The following PRRT2 variants were observed in gnomAD, a reference collection of about 807,000 sequenced individuals.
The protein encoded by PRRT2 is proline rich transmembrane protein 2.
Under a neutral mutation model 24.7 loss-of-function variants are expected in PRRT2, and 9 were observed. That is an observed-to-expected ratio of 0.36 (90% CI 0.22 to 0.64). The LOEUF (loss-of-function observed/expected upper bound fraction) is 0.64. Ranked by LOEUF, PRRT2 falls within the 30% of genes least tolerant of loss-of-function variation. The probability of loss-of-function intolerance (pLI) is 0.65; values close to 1 mark genes in which losing one functional copy is unlikely to be tolerated. For missense variants in PRRT2, 460 were observed against 435.0 expected (o/e 1.06, Z -0.51); for synonymous variants, 195 against 175.5 (o/e 1.11, Z -0.88).
intron 2 of PRRT2, 56 bp downstream of exon 2, chr16:29,813,989 C>G (rs557942684): frequency 6.5e-7 from 1 of 1,530,224 alleles, no homozygotes. Context: ...TTCCCGCCAG[C>G]GCTGCAATAG....
In PRRT2 at chr16:29,813,260, C is replaced by T. The variant is rs750339568; in HGVS notation, c.206C>T (p.Pro69Leu). The T allele has an allele frequency of 6.2e-7, 1 of 1,613,916 alleles. No homozygotes were observed. The highest frequency in any genetic ancestry group is 1.1e-5 in the South Asian group (1 of 91,088). ...VDSGPKAGLA[P>L]ETTETPAGAS... ...TCAGGGCCCAAGGCTGGGCTGGCTC[C>T]AGAAACCACAGAGACCCCGGCTGGG... Residue 69 changes from proline (P) to leucine (L), a missense_variant, in exon 2 of 4, where the codon CCA becomes CTA. Physicochemically the swap from Pro to Leu is moderately conservative, Grantham distance 98. Transcript: ENST00000358758.
At position 29,814,884 on chromosome 16, in the gene PRRT2, G is replaced by C; in HGVS notation, c.*246G>C. On this transcript the variant is annotated 3_prime_UTR_variant, in exon 4 of 4. Coordinates refer to ENST00000358758, the MANE Select transcript of PRRT2 (RefSeq NM_145239.3). This position sits in a 1 kb window ranked among gnomAD's most constrained non-coding sequence, Gnocchi z 4.1. The stretch of plus-strand genomic sequence containing the variant: ...TGCACTAATGCCTGCATCCCCTCCG[G>C]CCTCTTGGCCCCCTATCCCTGCACT... The C allele has an allele frequency of 2.0e-6, 1 of 506,108 alleles. No individual in the cohort carries two copies. The highest frequency in any genetic ancestry group is 3.4e-5 in the East Asian group (1 of 29,082). 31.4% of individuals were successfully genotyped at this position (506,108 alleles called of 1,614,324 possible).
rs1288492262 is a variant in PRRT2 at position 29,813,037 on chromosome 16, C to G, written c.-18C>G. The G allele has an allele frequency of 5.1e-6, 8 of 1,581,036 alleles. No individual in the cohort carries two copies. Among genetic ancestry groups the G allele is most frequent in the African/African-American group, 1.4e-5 (1 of 73,696 alleles). On this transcript the variant is annotated 5_prime_UTR_variant, in exon 2 of 4. Transcript: ENST00000358758. ...TCCATCCTCCCCATAGGGGCTCTCT[C>G]CCCTCTCCCATCTCAAGATGGCAGC...
Position 29,813,287 on chromosome 16 carries a change from C to A in PRRT2, c.233C>A (p.Ala78Asp). Residue 78 changes from alanine (A) to aspartate (D), a missense_variant, in exon 2 of 4, where the codon GCC becomes GAC. Coordinates refer to ENST00000358758, the MANE Select transcript of PRRT2 (RefSeq NM_145239.3). ...GAAACCACAGAGACCCCGGCTGGGGCCTCAGAAACAGCCCAGGCCACAGAC... is the reference window on the plus strand; with the variant it reads ...GAAACCACAGAGACCCCGGCTGGGGACTCAGAAACAGCCCAGGCCACAGAC... The part of the protein sequence containing the change: ...APETTETPAG[A>D]SETAQATDLS... 1 of 1,613,992 alleles carries A rather than the reference C, an allele frequency of 6.2e-7. No individual in the cohort carries two copies. Among genetic ancestry groups the A allele is most frequent in the Non-Finnish European group, 8.5e-7 (1 of 1,179,988 alleles).
Position 29,814,521 on chromosome 16 carries a change from T to C in PRRT2, c.1012+56T>C. The C allele has an allele frequency of 6.2e-7, 1 of 1,607,418 alleles. No individual in the cohort carries two copies. Among genetic ancestry groups the C allele is most frequent in the Non-Finnish European group, 8.5e-7 (1 of 1,176,618 alleles). The stretch of plus-strand genomic sequence containing the variant: ...GAATGGAAGGGTTGGCAAGGGCAGC[T>C]TTACTAACCCCTGCCCCTGCTCTCT... On this transcript the variant is annotated intron_variant, in intron 3 of 3. Coordinates refer to ENST00000358758, the MANE Select transcript of PRRT2 (RefSeq NM_145239.3). This position sits in a 1 kb window ranked among gnomAD's most constrained non-coding sequence, Gnocchi z 4.1.
At chr16:29,812,845 C>T (rs1178175299) in intron 1 of PRRT2, 145 bp from the exon 2 acceptor site, 7 of 557,178 alleles carry the variant, frequency 1.3e-5, no homozygotes, top group Non-Finnish European at 1.9e-5. Context: ...ATGTCCCACC[C>T]TAAGGCAAAG....
In PRRT2 at chr16:29,814,333, T is replaced by G; in HGVS notation, c.880T>G (p.Ser294Ala). 2 of 1,598,276 alleles carry G rather than the reference T, an allele frequency of 1.3e-6. No homozygotes were observed. The highest frequency in any genetic ancestry group is 1.7e-6 in the Non-Finnish European group (2 of 1,176,698). Residue 294 changes from serine (S) to alanine (A), a missense_variant and splice_region_variant, in exon 3 of 4, where the codon TCC becomes GCC. Physicochemically the swap from Ser to Ala is moderately conservative, Grantham distance 99. Transcript: ENST00000358758. The surrounding 1 kb of genome is among the most constrained non-coding windows in gnomAD (Gnocchi z 4.1). ...CCTCCACCCCTCGCCCTAACCCCAG[T>G]CCCGGAACAGCCTGCAGCAGGGGGA... Reference protein sequence around the residue: ...NIVAFAYAVMSRNSLQQGDVD... With the variant: ...NIVAFAYAVMARNSLQQGDVD...
At position 29,813,477 on chromosome 16, in the gene PRRT2, A is replaced by C. The variant is rs1216538908; in HGVS notation, c.423A>C (p.Gln141His). 1 of 1,613,704 alleles carries C rather than the reference A, an allele frequency of 6.2e-7. No individual in the cohort carries two copies. Among genetic ancestry groups the C allele is most frequent in the African/African-American group, 1.3e-5 (1 of 74,978 alleles). The change falls in exon 2 of 4, where the codon CAA (glutamine) becomes CAC (histidine). Residue 141 changes from glutamine (Q) to histidine (H), a missense_variant. Transcript: ENST00000358758. ...AACCAGCCCCAGAGCCTGCTCCCCA[A>C]CCAGACCCCCGGCCAGATTCCCAGC... ...PPEPAPEPAPQPDPRPDSQPT... is the reference protein window; with the variant it reads ...PPEPAPEPAPHPDPRPDSQPT...
rs1033347986 is a variant in PRRT2, at chr16:29,813,302, A to C, written c.248A>C (p.Gln83Pro). The C allele has an allele frequency of 1.2e-6, 2 of 1,613,946 alleles. No individual in the cohort carries two copies. The highest frequency in any genetic ancestry group is 2.7e-5 in the African/African-American group (2 of 74,928). ...CCGGCTGGGGCCTCAGAAACAGCCC[A>C]GGCCACAGACCTCAGCTTAAGCCCA... Reference protein sequence around the residue: ...ETPAGASETAQATDLSLSPGG... With the variant: ...ETPAGASETAPATDLSLSPGG... Residue 83 changes from glutamine (Q) to proline (P), a missense_variant, in exon 2 of 4, where the codon CAG becomes CCG. Gln to Pro is a moderately conservative substitution (Grantham distance 76). This residue lies in a region of PRRT2 where 378 missense variants were observed against 324.6 expected (regional missense o/e 1.16). Coordinates refer to ENST00000358758, the MANE Select transcript of PRRT2 (RefSeq NM_145239.3).
chr16:29,814,870 C>T lies in PRRT2; in HGVS notation c.*232C>T. 1 of 527,988 alleles carries T rather than the reference C, an allele frequency of 1.9e-6. No individual in the cohort carries two copies. Among genetic ancestry groups the T allele is most frequent in the Non-Finnish European group, 3.3e-6 (1 of 302,000 alleles). The allele number at this position is 527,988 out of a possible 1,614,324, so 32.7% of individuals were successfully genotyped here. ...GGTTCCAACCTCCCTGCACTAATGC[C>T]TGCATCCCCTCCGGCCTCTTGGCCC... is the stretch of plus-strand genomic sequence containing the variant. On this transcript the variant is annotated 3_prime_UTR_variant, in exon 4 of 4. Transcript: ENST00000358758. The surrounding 1 kb of genome is among the most constrained non-coding windows in gnomAD (Gnocchi z 4.1).
At position 29,814,671 on chromosome 16, in the gene PRRT2, C is replaced by T; in HGVS notation, c.*33C>T. On this transcript the variant is annotated 3_prime_UTR_variant, in exon 4 of 4. Transcript: ENST00000358758. The surrounding 1 kb of genome is among the most constrained non-coding windows in gnomAD (Gnocchi z 4.1). ...TGCCCCGCATCCCAAGACTTTTCTT[C>T]CTGTTGGGAGCTGCCTTGGGCCCAT... is the stretch of plus-strand genomic sequence containing the variant. 6.3e-7 allele frequency: 1 copy of T among 1,598,370 alleles called. No individual in the cohort carries two copies. Among genetic ancestry groups the T allele is most frequent in the South Asian group, 1.1e-5 (1 of 88,768 alleles).
In PRRT2 at chr16:29,814,328, C is replaced by T. The variant is rs1434488493; in HGVS notation, c.880-5C>T. 10 of 1,594,904 alleles carry T rather than the reference C, an allele frequency of 6.3e-6. No homozygotes were observed. Among genetic ancestry groups the T allele is most frequent in the Non-Finnish European group, 7.7e-6 (9 of 1,175,402 alleles). On this transcript the variant is annotated splice_polypyrimidine_tract_variant and splice_region_variant and intron_variant, in intron 2 of 3. Transcript: ENST00000358758. The surrounding 1 kb of genome is among the most constrained non-coding windows in gnomAD (Gnocchi z 4.1). ...ATGTGCCTCCACCCCTCGCCCTAAC[C>T]CCAGTCCCGGAACAGCCTGCAGCAG...
rs1356428756 is a variant in PRRT2 at position 29,815,812 on chromosome 16, T to G, written c.*1174T>G. 7.2e-6 allele frequency: 1 copy of G among 139,004 alleles called. No individual in the cohort carries two copies. Among genetic ancestry groups the G allele is most frequent in the Non-Finnish European group, 1.5e-5 (1 of 65,734 alleles). The allele number at this position is 139,004 out of a possible 1,614,324, so 8.6% of individuals were successfully genotyped here. A position where few individuals can be genotyped will look rare whatever the true frequency, so the allele number is the denominator to read the frequency against. ...AAAAAAAAAAAGGCTATTATCAAACTGATTTCTCCCTTTTTGTATGCCGGA... is the reference window on the plus strand; with the variant it reads ...AAAAAAAAAAAGGCTATTATCAAACGGATTTCTCCCTTTTTGTATGCCGGA... On this transcript the variant is annotated 3_prime_UTR_variant, in exon 4 of 4. Coordinates refer to ENST00000358758, the MANE Select transcript of PRRT2 (RefSeq NM_145239.3).
chr16:29,814,492 G>A lies in PRRT2; in HGVS notation c.1012+27G>A. The A allele has an allele frequency of 2.5e-6, 4 of 1,606,090 alleles. No individual in the cohort carries two copies. Among genetic ancestry groups the A allele is most frequent in the Non-Finnish European group, 3.4e-6 (4 of 1,175,840 alleles). On this transcript the variant is annotated intron_variant, in intron 3 of 3. Transcript: ENST00000358758. The surrounding 1 kb of genome is among the most constrained non-coding windows in gnomAD (Gnocchi z 4.1). ...TGAGTGGGGGCTTGGGACAGGCAGG[G>A]GAGGAATGGAAGGGTTGGCAAGGGC...
chr16:29,815,764 A>G lies in PRRT2; in HGVS notation c.*1126A>G, dbSNP rs1309368902. On this transcript the variant is annotated 3_prime_UTR_variant, in exon 4 of 4. Coordinates refer to ENST00000358758, the MANE Select transcript of PRRT2 (RefSeq NM_145239.3). ...AAAAAAAAAAAAAGTCTGGGGGAAG[A>G]AAAAAACTAAAATTCTTAAAAAAAA... 6.4e-4 allele frequency: 95 copies of G among 147,724 alleles called. No individual in the cohort carries two copies. Among genetic ancestry groups the G allele is most frequent in the Admixed American group, 3.3e-4 (5 of 14,968 alleles). The allele number at this position is 147,724 out of a possible 1,614,324, so 9.2% of individuals were successfully genotyped here.
In PRRT2 at chr16:29,814,989, T is replaced by G; in HGVS notation, c.*351T>G. The G allele has an allele frequency of 3.5e-6, 1 of 285,348 alleles. No homozygotes were observed. 17.7% of individuals were successfully genotyped at this position (285,348 alleles called of 1,614,324 possible). A position where few individuals can be genotyped will look rare whatever the true frequency, so the allele number is the denominator to read the frequency against. ...GCTCTCAGCCTCCCTGCATCTCTCC[T>G]GGCCTCCCTGCACTTCTTCCAGCCC... On this transcript the variant is annotated 3_prime_UTR_variant, in exon 4 of 4. Coordinates refer to ENST00000358758, the MANE Select transcript of PRRT2 (RefSeq NM_145239.3). This position sits in a 1 kb window ranked among gnomAD's most constrained non-coding sequence, Gnocchi z 4.1.
chr16:29,813,486 C>T lies in PRRT2; in HGVS notation c.432C>T (p.Pro144=), dbSNP rs749031499. 14 of 1,613,692 alleles carry T rather than the reference C, an allele frequency of 8.7e-6. No individual in the cohort carries two copies. In the Admixed American group the frequency reaches 1.0e-4, roughly 12 times the overall value. ...PAPEPAPQPD[P]RPDSQPTPKP... is the part of the protein sequence containing the mutation. ...CAGAGCCTGCTCCCCAACCAGACCCCCGGCCAGATTCCCAGCCTACCCCCA... is the reference window on the plus strand; with the variant it reads ...CAGAGCCTGCTCCCCAACCAGACCCTCGGCCAGATTCCCAGCCTACCCCCA... Residue 144 remains proline, a synonymous_variant, in exon 2 of 4, where the codon CCC becomes CCT. Transcript: ENST00000358758.
rs772805935 is a variant in PRRT2 at position 29,813,702 on chromosome 16, C to G, written c.648C>G (p.Pro216=). 5.7e-6 allele frequency: 9 copies of G among 1,581,826 alleles called. No individual in the cohort carries two copies. Among genetic ancestry groups the G allele is most frequent in the Admixed American group, 3.6e-5 (2 of 56,336 alleles). The change falls in exon 2 of 4, where the codon CCC becomes CCG. Residue 216 remains proline, a synonymous_variant. Coordinates refer to ENST00000358758, the MANE Select transcript of PRRT2 (RefSeq NM_145239.3). The part of the protein sequence containing the change: ...KKSPPANGAP[P]RVLQQLVEED... ...CCCCCCCAGCCAATGGGGCCCCCCC[C>G]CGAGTGCTGCAGCAGCTGGTTGAGG...
At chr16:29,812,816 G>C (rs1326508243) in intron 1 of PRRT2, among the ~76,000 whole-genome samples, 174 bp from the exon 2 acceptor site, 1 of 151,760 alleles carries the variant, frequency 6.6e-6, no homozygotes, top group Non-Finnish European at 1.5e-5. Context: ...ACTTTGAGTA[G>C]AGCACTCCTC....
Sources: gnomAD v4.1 joint callset for allele counts (sites outside exome capture counted in the v4.1 genomes callset) on GRCh38, gnomAD v4.1.1 for gene constraint, gnomAD v4.1.1 regional missense constraint, Gnocchi (gnomAD v3.1) non-coding constraint, MANE v1.5 for transcripts, NCBI Gene and HGNC (gene_info 2026-07-23, HGNC 2026-07-21) for gene names.